Variants in SLC45A4 observed in about 807,000 individuals in gnomAD.
SLC45A4 encodes the protein solute carrier family 45 member 4.
In SLC45A4, 32 loss-of-function variants were observed where a neutral mutation model predicts 63.7. The ratio of observed to expected loss-of-function variants is 0.50; its 90% CI spans 0.38 to 0.67. SLC45A4 has a LOEUF of 0.67. Ranked by LOEUF, SLC45A4 falls within the 30% of genes least tolerant of loss-of-function variation. The probability of loss-of-function intolerance (pLI) is 0.00; values close to 1 mark genes in which losing one functional copy is unlikely to be tolerated. For synonymous variants in SLC45A4, 535 were observed against 510.0 expected, an observed-to-expected ratio of 1.05 and a Z score of -0.66; for missense variants, 1,027 against 1,157.7, an observed-to-expected ratio of 0.89 and a Z score of 1.64.
At chr8:141,274,912 G>C (rs558221842) in intron 1 of SLC45A4, among the ~76,000 whole-genome samples, 2 of 152,336 alleles carry the variant, frequency 1.3e-5, no homozygotes, top group East Asian at 3.9e-4. Context: ...ACAAGGAAAA[G>C]GGGGCCCCAG....
At chr8:141,237,389 T>C (rs868707388) in intron 2 of SLC45A4, among the ~76,000 whole-genome samples, 1 of 152,082 alleles carries the variant, frequency 6.6e-6, no homozygotes, top group Non-Finnish European at 1.5e-5. Flanking sequence ...ACAGCCCAGA[T>C]TGTGCCCAGG....
At chr8:141,269,384 T>C (rs1171962594) in intron 1 of SLC45A4, among the ~76,000 whole-genome samples, 1 of 152,156 alleles carries the variant, frequency 6.6e-6, no homozygotes, top group Admixed American at 6.5e-5. Flanking sequence ...TCCTTTCAAT[T>C]AGAGCTTGCT....
intron 2 of SLC45A4, among the ~76,000 whole-genome samples, chr8:141,224,122 G>GAATT (rs144764536): frequency 0.029 from 4,342 of 152,070 alleles, 95 homozygotes; most frequent in Non-Finnish European, 0.045. Flanking sequence ...GCTGCACACA[G>GAATT]AATTCTGGGT....
chr8:141,297,319 CG>C (rs967475961), intron 1 of SLC45A4, among the ~76,000 whole-genome samples: 1 of 152,036 alleles, frequency 6.6e-6, no homozygotes, highest in African/African-American at 2.4e-5. Context: ...TGGATGCTGG[CG>C]GGGGAGGTAG....
In SLC45A4 at chr8:141,234,984, C is replaced by T. The variant is rs1004316204; in HGVS notation, c.242-13219G>A. Among the ~76,000 whole-genome samples the T allele has an allele frequency of 9.8e-5, 15 of 152,314 alleles. No homozygotes were observed. In the South Asian group the frequency reaches 1.9e-3, roughly 19 times the overall value. On this transcript the variant is annotated intron_variant, in intron 2 of 8. Coordinates refer to ENST00000517878, the MANE Select transcript of SLC45A4 (RefSeq NM_001286646.2). ...TCTGCCTTCCCCGAGGACAGGAATG[C>T]GCCCGCTACCTAGCAGGTGCTCGGA...
intron 4 of SLC45A4, 69 bp downstream of exon 4, chr8:141,219,581 T>C: frequency 2.0e-6 from 3 of 1,519,038 alleles, no homozygotes; most frequent in Non-Finnish European, 2.7e-6. Context: ...CACAGGCTCC[T>C]GTCCCCTCCC....
intron 1 of SLC45A4, among the ~76,000 whole-genome samples, chr8:141,269,041 C>A (rs1159547562): frequency 1.3e-5 from 2 of 152,234 alleles, no homozygotes; most frequent in African/African-American, 4.8e-5. Context: ...GGTTCTGGGG[C>A]TCCACCCCAG....
intron 2 of SLC45A4, among the ~76,000 whole-genome samples, chr8:141,235,827 CG>C (rs1368643105): frequency 6.6e-6 from 1 of 152,164 alleles, no homozygotes; most frequent in Admixed American, 6.5e-5. Context: ...GTTGGCCAGG[CG>C]TGGTGGCTCA....
chr8:141,257,000 C>T lies in SLC45A4; in HGVS notation c.-400-2371G>A, dbSNP rs1176359318. Among the ~76,000 whole-genome samples, 1 of 152,092 alleles carries T rather than the reference C, an allele frequency of 6.6e-6. No homozygotes were observed. The highest frequency in any genetic ancestry group is 1.5e-5 in the Non-Finnish European group (1 of 68,026). ...TCCTGAGTAGCTGGGATTACAGGCACATGCCACCACGCCCAGCTAACTTTT... is the reference window on the plus strand; with the variant it reads ...TCCTGAGTAGCTGGGATTACAGGCATATGCCACCACGCCCAGCTAACTTTT... On this transcript the variant is annotated intron_variant, in intron 1 of 8. Coordinates refer to ENST00000517878, the MANE Select transcript of SLC45A4 (RefSeq NM_001286646.2). The surrounding 1 kb of genome is among the most constrained non-coding windows in gnomAD (Gnocchi z 4.3).
chr8:141,293,744 C>T (rs1830439456), intron 1 of SLC45A4, among the ~76,000 whole-genome samples: 4 of 152,082 alleles, frequency 2.6e-5, no homozygotes, highest in Admixed American at 2.6e-4. Flanking sequence ...ACCAGCCTGG[C>T]AAACATGGTG....
intron 1 of SLC45A4, among the ~76,000 whole-genome samples, chr8:141,280,268 G>A (rs1829885078): frequency 1.3e-5 from 2 of 152,204 alleles, no homozygotes; most frequent in South Asian, 4.1e-4. Flanking sequence ...TCGTGAGGGC[G>A]GGACTGCGAC....
chr8:141,233,860 G>A (rs568076114), intron 2 of SLC45A4, among the ~76,000 whole-genome samples: 214 of 152,316 alleles, frequency 1.4e-3, no homozygotes, highest in African/African-American at 5.0e-3. Flanking sequence ...GGTCCAGCAG[G>A]TCTGCGGCTG....
intron 2 of SLC45A4, among the ~76,000 whole-genome samples, chr8:141,244,392 T>TC (rs1828066371): frequency 6.6e-6 from 1 of 152,094 alleles, no homozygotes; most frequent in African/African-American, 2.4e-5. Context: ...CCAAGGCAGG[T>TC]CAATTTCTCC....
chr8:141,239,645 G>A (rs73713390), intron 2 of SLC45A4, among the ~76,000 whole-genome samples: 1,567 of 152,252 alleles, frequency 0.01, 28 homozygotes, highest in African/African-American at 0.036. Context: ...ACCTGAACGT[G>A]GTAGGAATGT....
chr8:141,261,426 T>C (rs1161513181), intron 1 of SLC45A4, among the ~76,000 whole-genome samples: 1 of 152,002 alleles, frequency 6.6e-6, no homozygotes, highest in East Asian at 1.9e-4. Flanking sequence ...AAAGAGGAAG[T>C]CAAATTGTCC....
intron 1 of SLC45A4, among the ~76,000 whole-genome samples, chr8:141,281,216 G>A (rs182668838): frequency 3.9e-5 from 6 of 152,336 alleles, no homozygotes; most frequent in Admixed American, 1.3e-4. Flanking sequence ...GCAGGCGCCT[G>A]TAATCCCAGC....
At chr8:141,224,198 C>T (rs760573108) in intron 2 of SLC45A4, 3 of 152,226 alleles carry the variant, frequency 2.0e-5, no homozygotes, top group Admixed American at 2.0e-4. Context: ...TGGTTTCTGA[C>T]AGGGCGGCTG....
At position 141,218,999 on chromosome 8, in the gene SLC45A4, C is replaced by T; in HGVS notation, c.641G>A (p.Gly214Asp). Residue 214 changes from glycine to aspartate, a missense_variant, in exon 5 of 9, where the codon GGT becomes GAT. Gly to Asp is a moderately conservative substitution (Grantham distance 94). Coordinates refer to ENST00000517878, the MANE Select transcript of SLC45A4 (RefSeq NM_001286646.2). The stretch of plus-strand genomic sequence containing the variant: ...GAAGGTCTGGGTCCAGTCCAGCCCA[C>T]CCAGCACGTAGCCGATGGCTCCGCC... ...GLGGAIGYVL[G>D]GLDWTQTFLG... The T allele has an allele frequency of 6.2e-7, 1 of 1,612,834 alleles. No individual in the cohort carries two copies. The highest frequency in any genetic ancestry group is 1.3e-5 in the African/African-American group (1 of 75,040).
chr8:141,218,600 G>A lies in SLC45A4; in HGVS notation c.1040C>T (p.Thr347Ile). Reference sequence around the variant, plus strand: ...CTTGGTCTTGGCGAGCTCCTGGCTGGTGCTGCGGGGGGTGGCGGGGTAGGA... The same window carrying A: ...CTTGGTCTTGGCGAGCTCCTGGCTGATGCTGCGGGGGGTGGCGGGGTAGGA... ...DASYPATPRS[T>I]SQELAKTKLP... The change falls in exon 5 of 9, where the codon ACC becomes ATC. Residue 347 changes from threonine (T) to isoleucine (I), a missense_variant. Physicochemically the swap from Thr to Ile is moderately conservative, Grantham distance 89. Transcript: ENST00000517878. 1 of 1,613,518 alleles carries A rather than the reference G, an allele frequency of 6.2e-7. No homozygotes were observed. The highest frequency in any genetic ancestry group is 1.1e-5 in the South Asian group (1 of 91,082).
Sources: gnomAD v4.1 joint callset for allele counts (sites outside exome capture counted in the v4.1 genomes callset) on GRCh38, gnomAD v4.1.1 for gene constraint, Gnocchi (gnomAD v3.1) non-coding constraint, MANE v1.5 for transcripts, NCBI Gene and HGNC (gene_info 2026-07-23, HGNC 2026-07-21) for gene names.